Variants in FAT3 observed in about 807,000 individuals in gnomAD.
FAT3 encodes FAT atypical cadherin 3, also known as protocadherin Fat 3.
In FAT3, 95 loss-of-function variants were observed where a neutral mutation model predicts 310.2. The observed-to-expected ratio is 0.31, with a 90% CI of 0.26 to 0.36. The LOEUF (loss-of-function observed/expected upper bound fraction) is 0.36. FAT3 is among the 10% of genes least tolerant of loss of function. FAT3 has a pLI of 1.00. For missense variants in FAT3, 5,408 were observed against 5,715.6 expected (o/e 0.95, Z 1.74); for synonymous variants, 2,314 against 2,192.9 (o/e 1.06, Z -1.54).
chr11:92,544,563 G>A (rs145774227), intron 3 of FAT3, among the ~76,000 whole-genome samples: 4 of 152,190 alleles, frequency 2.6e-5, no homozygotes, highest in Non-Finnish European at 4.4e-5. Context: ...CCAATCAAAT[G>A]TGCCCTGGGA....
chr11:92,551,299 T>C (rs1954807700), intron 3 of FAT3, among the ~76,000 whole-genome samples: 1 of 152,058 alleles, frequency 6.6e-6, no homozygotes, highest in Non-Finnish European at 1.5e-5. Flanking sequence ...GGAAAACTAT[T>C]CTGTAAATGT....
chr11:92,665,345 A>T (rs1024742814), intron 3 of FAT3, among the ~76,000 whole-genome samples: 1 of 152,212 alleles, frequency 6.6e-6, no homozygotes, highest in African/African-American at 2.4e-5. Context: ...GACTCCAGTA[A>T]AAATAACAGA....
intron 3 of FAT3, among the ~76,000 whole-genome samples, chr11:92,648,102 C>T (rs1378965160): frequency 6.6e-6 from 1 of 152,170 alleles, no homozygotes; most frequent in Non-Finnish European, 1.5e-5. Flanking sequence ...GTCTTCTTCT[C>T]TTCCTTCTGG....
intron 8 of FAT3, 65 bp downstream of exon 8, chr11:92,790,283 C>A: frequency 6.6e-7 from 1 of 1,525,758 alleles, no homozygotes; most frequent in Non-Finnish European, 8.9e-7. Context: ...CACACATTAG[C>A]CTTCAGAAGT....
chr11:92,840,376 A>G (rs1948507308), intron 17 of FAT3, among the ~76,000 whole-genome samples, 186 bp from the exon 18 acceptor site: 1 of 152,202 alleles, frequency 6.6e-6, no homozygotes. Context: ...ACACTTACAG[A>G]CACCAACATG....
intron 1 of FAT3, among the ~76,000 whole-genome samples, chr11:92,248,812 C>T (rs1271697062): frequency 6.6e-6 from 1 of 152,048 alleles, no homozygotes; most frequent in Non-Finnish European, 1.5e-5. Flanking sequence ...CCCATACAGA[C>T]AATTCCCAAG....
chr11:92,629,907 T>G (rs1295893051), intron 3 of FAT3, among the ~76,000 whole-genome samples: 1 of 152,098 alleles, frequency 6.6e-6, no homozygotes, highest in Non-Finnish European at 1.5e-5. Context: ...AAATACATAT[T>G]TGTAGGTCTC....
At chr11:92,480,458 C>A (rs1952191243) in intron 2 of FAT3, among the ~76,000 whole-genome samples, 1 of 152,142 alleles carries the variant, frequency 6.6e-6, no homozygotes, top group Admixed American at 6.5e-5. Flanking sequence ...AAGGTTCTCC[C>A]AGTACCACAA....
intron 15 of FAT3, among the ~76,000 whole-genome samples, chr11:92,836,007 C>T (rs2136272293): frequency 6.6e-6 from 1 of 152,258 alleles, no homozygotes; most frequent in South Asian, 2.1e-4. Flanking sequence ...TGCTGGAGGA[C>T]AGTACATTTC....
intron 3 of FAT3, among the ~76,000 whole-genome samples, chr11:92,656,382 G>A (rs908453211): frequency 1.3e-5 from 2 of 152,280 alleles, no homozygotes; most frequent in Admixed American, 1.3e-4. Context: ...CCCTGGGCAA[G>A]GTCCATCAGC....
intron 3 of FAT3, among the ~76,000 whole-genome samples, chr11:92,691,618 C>A (rs1338381580): frequency 6.6e-6 from 1 of 152,102 alleles, no homozygotes; most frequent in East Asian, 1.9e-4. Flanking sequence ...TGGCCTCAAG[C>A]AATCCTCCTG....
intron 4 of FAT3, among the ~76,000 whole-genome samples, chr11:92,730,765 T>C (rs568578840): frequency 6.6e-6 from 1 of 152,362 alleles, no homozygotes; most frequent in South Asian, 2.1e-4. Flanking sequence ...TCAATCATTA[T>C]TTCTTGTAAT....
chr11:92,484,816 A>G (rs1952328095), intron 2 of FAT3, among the ~76,000 whole-genome samples: 1 of 152,356 alleles, frequency 6.6e-6, no homozygotes, highest in African/African-American at 2.4e-5. Flanking sequence ...ATATTCTGCA[A>G]TCAGGCTGCA....
intron 1 of FAT3, among the ~76,000 whole-genome samples, chr11:92,260,044 AAGCTGAAGAGCTTTGTAC>A (rs1375935777): frequency 6.6e-6 from 1 of 152,130 alleles, no homozygotes; most frequent in African/African-American, 2.4e-5. Flanking sequence ...CAGGAAAGTG[AAGCTGAAGAGCTTTGTAC>A]AGCTGTCATG....
chr11:92,528,012 A>G (rs575979154), intron 3 of FAT3, among the ~76,000 whole-genome samples: 1 of 152,342 alleles, frequency 6.6e-6, no homozygotes, highest in Non-Finnish European at 1.5e-5. Context: ...GCAATGTGCT[A>G]CATAATAAAG....
In FAT3 at chr11:92,352,887, A is replaced by G. The variant is rs1948607767; in HGVS notation, c.775A>G (p.Ile259Val). ...AAAGCTTTATGTTCACATTGAGCGC[A>G]TAAATGAACATGCCCCAACAATCCA... Reference protein sequence around the residue: ...TAKLYVHIERINEHAPTIHVV... With the variant: ...TAKLYVHIERVNEHAPTIHVV... The change falls in exon 2 of 28, where the codon ATA becomes GTA. Residue 259 changes from isoleucine (I) to valine (V), a missense_variant. Ile to Val is a conservative substitution (Grantham distance 29, BLOSUM62 3). Around this residue, in one of 5 missense-constraint regions of FAT3, gnomAD observed 4,588 missense variants for 4,809.8 expected, o/e 0.95. Transcript: ENST00000525166. 1 of 1,613,954 alleles carries G rather than the reference A, an allele frequency of 6.2e-7. No homozygotes were observed. Among genetic ancestry groups the G allele is most frequent in the East Asian group, 2.2e-5 (1 of 44,876 alleles).
chr11:92,853,843 C>T (rs570843563), intron 19 of FAT3, among the ~76,000 whole-genome samples: 7 of 152,188 alleles, frequency 4.6e-5, no homozygotes, highest in African/African-American at 1.7e-4. Context: ...CCATGGCAGA[C>T]CCAGAAAAAG....
chr11:92,284,959 GTT>G (rs969302789), intron 1 of FAT3, among the ~76,000 whole-genome samples: 2 of 152,168 alleles, frequency 1.3e-5, no homozygotes, highest in African/African-American at 2.4e-5. Context: ...CTAGATTGAA[GTT>G]AGATGCTCAT....
At chr11:92,392,532 T>G (rs1160750039) in intron 2 of FAT3, among the ~76,000 whole-genome samples, 1 of 151,936 alleles carries the variant, frequency 6.6e-6, no homozygotes, top group Non-Finnish European at 1.5e-5. Context: ...TCTCTACCCC[T>G]CCCCACAAAT....
Sources: allele counts gnomAD v4.1 joint callset (sites outside exome capture counted in the v4.1 genomes callset), GRCh38; gene constraint gnomAD v4.1.1; regional missense constraint gnomAD v4.1.1; transcripts MANE v1.5; gene names NCBI Gene and HGNC (gene_info 2026-07-23, HGNC 2026-07-21).